MYCBP2: variants seen among roughly 807,000 people sequenced by gnomAD.
MYCBP2 encodes MYC binding protein 2.
Under a neutral mutation model 525.3 loss-of-function variants are expected in MYCBP2, and 120 were observed. That is an observed-to-expected ratio of 0.23 (90% CI 0.20 to 0.27). MYCBP2 has a LOEUF of 0.27. MYCBP2 is among the 10% of genes least tolerant of loss of function. MYCBP2 has a pLI of 1.00. For synonymous variants in MYCBP2, 1,894 were observed against 1,955.8 expected, an observed-to-expected ratio of 0.97 and a Z score of 0.83; for missense variants, 4,149 against 5,657.1, an observed-to-expected ratio of 0.73 and a Z score of 8.55.
intron 44 of MYCBP2, among the ~76,000 whole-genome samples, chr13:77,160,690 T>A (rs2057803721): frequency 6.6e-6 from 1 of 152,172 alleles, no homozygotes; most frequent in Admixed American, 6.5e-5. Flanking sequence ...GCTCTACAGA[T>A]ATTATTTAAA....
intron 28 of MYCBP2, among the ~76,000 whole-genome samples, chr13:77,190,607 A>G (rs1246583662): frequency 2.0e-5 from 3 of 152,182 alleles, no homozygotes; most frequent in Non-Finnish European, 4.4e-5. Flanking sequence ...GTAAACTTCT[A>G]AAATTTCTAC....
At chr13:77,289,453 T>C (rs1322727965) in intron 2 of MYCBP2, among the ~76,000 whole-genome samples, 1 of 151,818 alleles carries the variant, frequency 6.6e-6, no homozygotes, top group Non-Finnish European at 1.5e-5. Flanking sequence ...AAAAAATATA[T>C]TATACTTCAA....
At chr13:77,071,467 CCTT>C (rs1370927386) in intron 68 of MYCBP2, among the ~76,000 whole-genome samples, 3 of 152,086 alleles carry the variant, frequency 2.0e-5, no homozygotes, top group Non-Finnish European at 4.4e-5. Flanking sequence ...AGAGAATGTC[CCTT>C]TCGCCCTAAC....
At chr13:77,283,943 A>G (rs1194927929) in intron 3 of MYCBP2, among the ~76,000 whole-genome samples, 2 of 152,160 alleles carry the variant, frequency 1.3e-5, no homozygotes, top group Non-Finnish European at 2.9e-5. Flanking sequence ...GTAGCTATAA[A>G]ATCTGTAAAG....
In MYCBP2 at chr13:77,087,654, T is replaced by A. The variant is rs764292377; in HGVS notation, c.10726-21A>T. The A allele has an allele frequency of 1.1e-5, 17 of 1,601,964 alleles. No homozygotes were observed. The Admixed American group carries it at 2.9e-4, about 27-fold the overall frequency. On this transcript the variant is annotated intron_variant, in intron 61 of 82. Transcript: ENST00000544440. ...AAAGCCTGAAGAAATGACGGTTAAATGAGTTCAAGAATAAAATACATGAGT... is the reference window on the plus strand; with the variant it reads ...AAAGCCTGAAGAAATGACGGTTAAAAGAGTTCAAGAATAAAATACATGAGT...
intron 26 of MYCBP2, 137 bp from the exon 27 acceptor site, chr13:77,194,381 A>C (rs1595312557): frequency 1.6e-6 from 1 of 625,072 alleles, no homozygotes; most frequent in East Asian, 2.6e-5. Flanking sequence ...TGCTTTTTTA[A>C]CATTACTATG....
chr13:77,096,238 T>C (rs1167452180), intron 57 of MYCBP2, 74 bp downstream of exon 57: 2 of 1,391,362 alleles, frequency 1.4e-6, no homozygotes, highest in Non-Finnish European at 2.0e-6. Context: ...TCTGATGTAG[T>C]AAGATTATAA....
chr13:77,243,965 C>CAAAAAAAAAAAAAA lies in MYCBP2; in HGVS notation c.2382-28_2382-15dup, dbSNP rs35429706. On this transcript the variant is annotated splice_polypyrimidine_tract_variant and intron_variant, in intron 15 of 82. Coordinates refer to ENST00000544440, the MANE Select transcript of MYCBP2 (RefSeq NM_015057.5). ...CAACCACAGATCCTAGGGGGAAATA[C>CAAAAAAAAAAAAAA]AAAAAAAAAAAAAAAAGACAACTGA... is the stretch of plus-strand genomic sequence containing the variant. The CAAAAAAAAAAAAAA allele has an allele frequency of 1.9e-6, 2 of 1,080,788 alleles. No individual in the cohort carries two copies. Among genetic ancestry groups the CAAAAAAAAAAAAAA allele is most frequent in the Non-Finnish European group, 1.2e-6 (1 of 851,210 alleles). The allele number at this position is 1,080,788 out of a possible 1,614,324, so 66.9% of individuals were successfully genotyped here.
At chr13:77,275,366 C>A (rs1052567348) in intron 4 of MYCBP2, among the ~76,000 whole-genome samples, 1 of 152,252 alleles carries the variant, frequency 6.6e-6, no homozygotes, top group Non-Finnish European at 1.5e-5. Flanking sequence ...TTCCTTCACT[C>A]TCCACATTCT....
intron 55 of MYCBP2, among the ~76,000 whole-genome samples, chr13:77,105,537 G>A (rs955492965): frequency 6.6e-6 from 1 of 151,942 alleles, no homozygotes; most frequent in African/African-American, 2.4e-5. Flanking sequence ...TAAAGTTATA[G>A]TTAATTTTTA....
intron 47 of MYCBP2, among the ~76,000 whole-genome samples, chr13:77,147,520 T>C (rs764303033): frequency 6.6e-6 from 1 of 152,108 alleles, no homozygotes; most frequent in Non-Finnish European, 1.5e-5. Context: ...TAACTCCTCC[T>C]GTACTTACAG....
intron 32 of MYCBP2, among the ~76,000 whole-genome samples, chr13:77,182,982 T>C (rs2154249659): frequency 6.6e-6 from 1 of 152,344 alleles, no homozygotes; most frequent in South Asian, 2.1e-4. Context: ...TAACTGCTAG[T>C]TTCATCAACC....
intron 55 of MYCBP2, among the ~76,000 whole-genome samples, chr13:77,117,333 C>A (rs1435646128): frequency 6.6e-6 from 1 of 151,896 alleles, no homozygotes; most frequent in Admixed American, 6.6e-5. Flanking sequence ...TTAATTTCAT[C>A]AATTAAACTT....
chr13:77,168,496 T>C lies in MYCBP2; in HGVS notation c.6046A>G (p.Thr2016Ala), dbSNP rs763650115. ...TCTATGACAGCATAGTGACTGGAGGTTGTACAAGCAGAGAGGCCCTGTTCA... is the reference window on the plus strand; with the variant it reads ...TCTATGACAGCATAGTGACTGGAGGCTGTACAAGCAGAGAGGCCCTGTTCA... ...QPEQGLSACTTSSHYAVIESE... is the reference protein window; with the variant it reads ...QPEQGLSACTASSHYAVIESE... The change falls in exon 40 of 83, where the codon ACC becomes GCC. Residue 2016 changes from threonine (T) to alanine (A), a missense_variant. By Grantham distance (58) the Thr-to-Ala change is moderately conservative (BLOSUM62 0). Transcript: ENST00000544440. 1 of 1,613,800 alleles carries C rather than the reference T, an allele frequency of 6.2e-7. No homozygotes were observed. Among genetic ancestry groups the C allele is most frequent in the Non-Finnish European group, 8.5e-7 (1 of 1,179,966 alleles).
chr13:77,257,893 C>T (rs1314927154), intron 13 of MYCBP2, 64 bp from the exon 14 acceptor site: 84 of 1,363,816 alleles, frequency 6.2e-5, no homozygotes, highest in Non-Finnish European at 8.3e-5. Flanking sequence ...AGTAAAAGAA[C>T]TACCTCAATG....
Position 77,326,807 on chromosome 13 carries a change from T to G in MYCBP2, c.-32A>C. Reference sequence around the variant, plus strand: ...CGCCGCCGCCGCCGCCGCCGCCTCGTCCCCGCGGGCCGGGCGGGCAGACAC... The same window carrying G: ...CGCCGCCGCCGCCGCCGCCGCCTCGGCCCCGCGGGCCGGGCGGGCAGACAC... On this transcript the variant is annotated 5_prime_UTR_variant, in exon 1 of 83. Coordinates refer to ENST00000544440, the MANE Select transcript of MYCBP2 (RefSeq NM_015057.5). This position sits in a 1 kb window ranked among gnomAD's most constrained non-coding sequence, Gnocchi z 4.2. 1 of 1,387,018 alleles carries G rather than the reference T, an allele frequency of 7.2e-7. No homozygotes were observed. Among genetic ancestry groups the G allele is most frequent in the Non-Finnish European group, 9.2e-7 (1 of 1,083,110 alleles). The allele number at this position is 1,387,018 out of a possible 1,614,324, so 85.9% of individuals were successfully genotyped here.
chr13:77,165,156 A>C, intron 42 of MYCBP2, 117 bp downstream of exon 42: 1 of 812,740 alleles, frequency 1.2e-6, no homozygotes, highest in Admixed American at 2.5e-5. Context: ...CCACTGCACC[A>C]GGCCCCAATT....
rs1038028981 is a variant in MYCBP2, at chr13:77,125,404, C to T, written c.7949G>A (p.Ser2650Asn). 6.2e-7 allele frequency: 1 copy of T among 1,614,022 alleles called. No homozygotes were observed. Among genetic ancestry groups the T allele is most frequent in the Admixed American group, 1.7e-5 (1 of 60,026 alleles). ...TAAGGACCATGCCTCTCCTTCATCA[C>T]TCTCACAGAACTCTACCATGCTGTT... ...DQNSMVEFCE[S>N]DEGEAWSLAR... Residue 2650 changes from serine to asparagine, a missense_variant, in exon 54 of 83, where the codon AGT becomes AAT. Transcript: ENST00000544440.
At chr13:77,047,716 TG>T (rs919202774) in intron 82 of MYCBP2, among the ~76,000 whole-genome samples, 28 of 152,178 alleles carry the variant, frequency 1.8e-4, no homozygotes, top group Non-Finnish European at 2.8e-4. Context: ...GGACAAGACC[TG>T]GGATAGAAAT....
Sources: allele counts gnomAD v4.1 joint callset (sites outside exome capture counted in the v4.1 genomes callset), GRCh38; gene constraint gnomAD v4.1.1; non-coding constraint Gnocchi (gnomAD v3.1); transcripts MANE v1.5; gene names NCBI Gene and HGNC (gene_info 2026-07-23, HGNC 2026-07-21).